The following ACVR1 variants were observed in gnomAD, a reference collection of about 807,000 sequenced individuals.
ACVR1 encodes activin receptor type-1.
A neutral mutation model predicts 57.1 loss-of-function variants in ACVR1; 38 were observed. The observed-to-expected ratio is 0.67, with a 90% CI of 0.51 to 0.87. The LOEUF (loss-of-function observed/expected upper bound fraction) is 0.87, where lower values mean the gene tolerates loss of function less well. ACVR1 is among the 40% of genes least tolerant of loss of function. The pLI is 0.00. For synonymous variants in ACVR1, 212 were observed against 228.1 expected (o/e 0.93, Z 0.63); for missense variants, 463 against 638.2 (o/e 0.73, Z 2.96).
chr2:157,768,816 A>T (rs1685971121), intron 7 of ACVR1, among the ~76,000 whole-genome samples: 1 of 152,208 alleles, frequency 6.6e-6, no homozygotes, highest in South Asian at 2.1e-4. Flanking sequence ...AAACTGGGAA[A>T]ATGAGAGTAC....
chr2:157,830,352 G>A (rs967671634), intron 1 of ACVR1, among the ~76,000 whole-genome samples: 2 of 152,010 alleles, frequency 1.3e-5, no homozygotes, highest in African/African-American at 4.8e-5. Flanking sequence ...AAATAATAAT[G>A]CTAATGGAAA....
At chr2:157,816,549 A>ATTGC (rs1263517931) in intron 2 of ACVR1, among the ~76,000 whole-genome samples, 1 of 152,032 alleles carries the variant, frequency 6.6e-6, no homozygotes, top group Non-Finnish European at 1.5e-5. Context: ...GCGTGCCATG[A>ATTGC]TTGCATCACT....
At chr2:157,873,920 A>T (rs1403041934) in intron 1 of ACVR1, among the ~76,000 whole-genome samples, 2 of 152,252 alleles carry the variant, frequency 1.3e-5, no homozygotes, top group African/African-American at 4.8e-5. Flanking sequence ...TTTACTCTGA[A>T]TCCTTAATAT....
At chr2:157,843,793 A>G (rs888563189) in intron 1 of ACVR1, among the ~76,000 whole-genome samples, 3 of 152,216 alleles carry the variant, frequency 2.0e-5, no homozygotes, top group African/African-American at 7.2e-5. Context: ...TGGATATAGT[A>G]AAACTCTAAA....
intron 3 of ACVR1, among the ~76,000 whole-genome samples, chr2:157,789,107 G>A (rs1686818653): frequency 1.3e-5 from 2 of 152,196 alleles, no homozygotes; most frequent in African/African-American, 4.8e-5. Context: ...ATCAGTCACA[G>A]AATAAAGATC....
intron 9 of ACVR1, among the ~76,000 whole-genome samples, chr2:157,756,349 A>G (rs542928512): frequency 8.7e-4 from 133 of 152,304 alleles, no homozygotes; most frequent in African/African-American, 2.7e-3. Flanking sequence ...AGCAAAAGGA[A>G]CAGTCAGCAG....
chr2:157,867,742 G>A (rs1336743990), intron 1 of ACVR1, among the ~76,000 whole-genome samples: 1 of 151,694 alleles, frequency 6.6e-6, no homozygotes, highest in Admixed American at 6.6e-5. Flanking sequence ...GGTATACTGA[G>A]CTCAGAGACC....
intron 1 of ACVR1, among the ~76,000 whole-genome samples, chr2:157,847,992 A>G (rs563682763): frequency 6.6e-6 from 1 of 152,330 alleles, no homozygotes; most frequent in South Asian, 2.1e-4. Context: ...TTCAACAACA[A>G]GGAGAGTTTG....
intron 3 of ACVR1, among the ~76,000 whole-genome samples, chr2:157,796,289 A>G (rs1175234439): frequency 1.3e-5 from 2 of 151,966 alleles, no homozygotes; most frequent in African/African-American, 4.8e-5. Flanking sequence ...AGGTGGCTCA[A>G]GCCTATAATC....
chr2:157,752,670 C>G (rs1278934340), intron 9 of ACVR1, among the ~76,000 whole-genome samples: 1 of 152,114 alleles, frequency 6.6e-6, no homozygotes, highest in Non-Finnish European at 1.5e-5. Flanking sequence ...AATTATGAGC[C>G]AAGAATTTTG....
chr2:157,739,593 T>C (rs1048091833), intron 9 of ACVR1, among the ~76,000 whole-genome samples: 1 of 152,160 alleles, frequency 6.6e-6, no homozygotes, highest in Admixed American at 6.5e-5. Flanking sequence ...TTTCTTCTAT[T>C]CCTAAATACC....
Position 157,737,644 on chromosome 2 carries a change from G to C in ACVR1, c.1417C>G (p.Leu473Val). The C allele has an allele frequency of 6.2e-7, 1 of 1,614,126 alleles. No individual in the cohort carries two copies. Among genetic ancestry groups the C allele is most frequent in the Non-Finnish European group, 8.5e-7 (1 of 1,179,986 alleles). Residue 473 changes from leucine to valine, a missense_variant, in exon 11 of 11, where the codon CTA becomes GTA. Physicochemically the swap from Leu to Val is conservative, Grantham distance 32. Around this residue, in one of 3 missense-constraint regions of ACVR1, gnomAD observed 146 missense variants for 186.6 expected, o/e 0.78. Transcript: ENST00000434821. ...TTTTGATACCAGCATTCTTTCATTA[G>C]CTTGGCCAGAGAGGTTAATGTCTGA... Reference protein sequence around the residue: ...SDPTLTSLAKLMKECWYQNPS... With the variant: ...SDPTLTSLAKVMKECWYQNPS...
chr2:157,754,034 T>C (rs962003774), intron 9 of ACVR1, among the ~76,000 whole-genome samples: 1 of 152,308 alleles, frequency 6.6e-6, no homozygotes, highest in East Asian at 1.9e-4. Flanking sequence ...GAAATCAAGA[T>C]GGAAATTAAA....
intron 5 of ACVR1, among the ~76,000 whole-genome samples, chr2:157,775,899 C>G (rs1012857142): frequency 6.6e-6 from 1 of 152,118 alleles, no homozygotes; most frequent in South Asian, 2.1e-4. Flanking sequence ...CTTTTCTTTT[C>G]TTTAGTTCAA....
intron 9 of ACVR1, among the ~76,000 whole-genome samples, chr2:157,745,967 C>A (rs1424825097): frequency 6.6e-6 from 1 of 152,140 alleles, no homozygotes; most frequent in African/African-American, 2.4e-5. Context: ...AGTCCCCACC[C>A]CATAAGAGGC....
intron 2 of ACVR1, among the ~76,000 whole-genome samples, chr2:157,814,867 T>C (rs1053447928): frequency 1.3e-5 from 2 of 152,300 alleles, no homozygotes. Context: ...GTGGACCACC[T>C]GAGGTCAGGA....
At chr2:157,777,672 G>C (rs1481880964) in intron 5 of ACVR1, among the ~76,000 whole-genome samples, 3 of 152,162 alleles carry the variant, frequency 2.0e-5, no homozygotes, top group East Asian at 1.9e-4. Flanking sequence ...AAATTTAAAA[G>C]CTGCTTTTTT....
chr2:157,792,129 T>A (rs1686938628), intron 3 of ACVR1, among the ~76,000 whole-genome samples: 1 of 151,746 alleles, frequency 6.6e-6, no homozygotes, highest in Non-Finnish European at 1.5e-5. Flanking sequence ...TAAAAAATAC[T>A]GGCAGGTTTT....
In ACVR1 at chr2:157,737,598, G is replaced by C; in HGVS notation, c.1463C>G (p.Ala488Gly). ...GGTCAAAGTCTTTTTGATACGCAGTGCTGTGAGTCTTGCGGATGGATTTTG... is the reference window on the plus strand; with the variant it reads ...GGTCAAAGTCTTTTTGATACGCAGTCCTGTGAGTCTTGCGGATGGATTTTG... ...WYQNPSARLT[A>G]LRIKKTLTKI... The change falls in exon 11 of 11, where the codon GCA (alanine) becomes GGA (glycine). Residue 488 changes from alanine to glycine, a missense_variant. This residue lies in a region of ACVR1 where 146 missense variants were observed against 186.6 expected (regional missense o/e 0.78). Transcript: ENST00000434821. The C allele has an allele frequency of 6.2e-7, 1 of 1,614,034 alleles. No homozygotes were observed. The highest frequency in any genetic ancestry group is 8.5e-7 in the Non-Finnish European group (1 of 1,179,892).
Sources: allele counts gnomAD v4.1 joint callset (sites outside exome capture counted in the v4.1 genomes callset), GRCh38; gene constraint gnomAD v4.1.1; regional missense constraint gnomAD v4.1.1; transcripts MANE v1.5; gene names NCBI Gene and HGNC (gene_info 2026-07-23, HGNC 2026-07-21).